PIK3C2B: variants seen among roughly 807,000 people sequenced by gnomAD.
PIK3C2B encodes the protein phosphatidylinositol 4-phosphate 3-kinase C2 domain-containing subunit beta.
In PIK3C2B, 83 loss-of-function variants were observed where a neutral mutation model predicts 184.3. The observed-to-expected ratio is 0.45, with a 90% CI of 0.38 to 0.54. The LOEUF is 0.54. PIK3C2B is among the 20% of genes least tolerant of loss of function. PIK3C2B has a pLI of 0.00. For missense variants in PIK3C2B, 1,736 were observed against 2,113.5 expected, an observed-to-expected ratio of 0.82 and a Z score of 3.50; for synonymous variants, 779 against 837.6, an observed-to-expected ratio of 0.93 and a Z score of 1.21.
chr1:204,433,346 G>A lies in PIK3C2B; in HGVS notation c.3923C>T (p.Thr1308Ile). Reference protein sequence around the residue: ...YVYDALRPQDTEANATTYFTR... With the variant: ...YVYDALRPQDIEANATTYFTR... ...GAAGTAGGTAGTGGCATTGGCCTCT[G>A]TATCCTGAGGCCTCAGGGCATCGTA... is the stretch of plus-strand genomic sequence containing the variant. Residue 1308 changes from threonine (T) to isoleucine (I), a missense_variant, in exon 26 of 33, where the codon ACA (threonine) becomes ATA (isoleucine). Transcript: ENST00000684373. The surrounding 1 kb of genome is among the most constrained non-coding windows in gnomAD (Gnocchi z 5.0). 2.5e-6 allele frequency: 4 copies of A among 1,607,536 alleles called. No individual in the cohort carries two copies. The highest frequency in any genetic ancestry group is 3.4e-6 in the Non-Finnish European group (4 of 1,174,000).
At chr1:204,465,430 C>A (rs545715822) in intron 2 of PIK3C2B, 111 bp from the exon 3 acceptor site, 10 of 691,394 alleles carry the variant, frequency 1.4e-5, no homozygotes, top group Non-Finnish European at 2.4e-5. Context: ...TCTAGTCACT[C>A]GACATCCAAT....
chr1:204,441,094 C>T (rs1001313296), intron 21 of PIK3C2B, among the ~76,000 whole-genome samples: 2 of 152,208 alleles, frequency 1.3e-5, no homozygotes, highest in African/African-American at 2.4e-5. Context: ...CCTTAGGGTT[C>T]ATCTAGTTGG....
In PIK3C2B at chr1:204,486,236, A is replaced by G. The variant is rs142055963; in HGVS notation, c.-85+8120T>C. Among the ~76,000 whole-genome samples the G allele has an allele frequency of 4.2e-3, 633 of 152,010 alleles. 26 individuals carry two copies. Among genetic ancestry groups the G allele is most frequent in the Admixed American group, 0.036 (543 of 15,264 alleles). The stretch of plus-strand genomic sequence containing the variant: ...CATGGTGAAACCCTGTCTCTACTAA[A>G]TATATAAAGTTAGCTGGGCATGGTG... On this transcript the variant is annotated intron_variant, in intron 1 of 32. Coordinates refer to ENST00000684373, the MANE Select transcript of PIK3C2B (RefSeq NM_001377334.1).
At chr1:204,493,142 T>C (rs1658119840) in intron 1 of PIK3C2B, among the ~76,000 whole-genome samples, 1 of 152,096 alleles carries the variant, frequency 6.6e-6, no homozygotes, top group Admixed American at 6.5e-5. Context: ...CCTAATATCT[T>C]CCCAAAGCCT....
intron 1 of PIK3C2B, among the ~76,000 whole-genome samples, chr1:204,472,907 TG>T (rs923752093): frequency 6.6e-6 from 1 of 152,210 alleles, no homozygotes; most frequent in African/African-American, 2.4e-5. Context: ...CTCAGAACTG[TG>T]GATCTATGAA....
chr1:204,489,902 T>C (rs1657896478), intron 1 of PIK3C2B: 2 of 396,492 alleles, frequency 5.0e-6, no homozygotes, highest in South Asian at 2.6e-4. Flanking sequence ...CTCATCCTTA[T>C]AACTTACGGT....
intron 11 of PIK3C2B, among the ~76,000 whole-genome samples, chr1:204,455,202 G>T (rs994633450): frequency 6.6e-6 from 1 of 152,256 alleles, no homozygotes; most frequent in Non-Finnish European, 1.5e-5. Context: ...GGTCCCTGTG[G>T]CTCATGACAG....
intron 18 of PIK3C2B, 23 bp downstream of exon 18, chr1:204,444,045 C>A: frequency 2.6e-6 from 4 of 1,510,144 alleles, no homozygotes; most frequent in South Asian, 1.1e-5. Flanking sequence ...GTCTACCTCC[C>A]ACTTTTCTAC....
At chr1:204,446,332 G>A (rs1358189863) in intron 15 of PIK3C2B, among the ~76,000 whole-genome samples, 188 bp from the exon 16 acceptor site, 2 of 152,208 alleles carry the variant, frequency 1.3e-5, no homozygotes, top group South Asian at 2.1e-4. Flanking sequence ...CCATGCCTGG[G>A]TCACACCTGA....
At chr1:204,464,380 G>T in intron 4 of PIK3C2B, 70 bp downstream of exon 4, 1 of 1,305,074 alleles carries the variant, frequency 7.7e-7, no homozygotes, top group South Asian at 1.4e-5. Flanking sequence ...GGTGGAAATC[G>T]AGTCAAAACA....
chr1:204,491,248 G>T (rs1012231568), intron 1 of PIK3C2B, among the ~76,000 whole-genome samples: 4 of 151,880 alleles, frequency 2.6e-5, no homozygotes, highest in African/African-American at 9.7e-5. Flanking sequence ...AATTAGCCAG[G>T]CATGGTGGCA....
intron 1 of PIK3C2B, among the ~76,000 whole-genome samples, chr1:204,476,073 G>A (rs1267651287): frequency 6.6e-6 from 1 of 152,162 alleles, no homozygotes; most frequent in African/African-American, 2.4e-5. Flanking sequence ...CAGACACGAG[G>A]GAACTCCAGA....
Position 204,460,620 on chromosome 1 carries a change from C to A in PIK3C2B, c.1352G>T (p.Arg451Leu), listed in dbSNP as rs1164204116. 1.2e-6 allele frequency: 2 copies of A among 1,613,868 alleles called. No individual in the cohort carries two copies. Among genetic ancestry groups the A allele is most frequent in the African/African-American group, 2.7e-5 (2 of 74,900 alleles). ...TAGCCGAATGTCAATGTCAAACTTG[C>A]GGCAGTATTGGATGTACTCATGACT... ...LGSHEYIQYC[R>L]KFDIDIRLQL... Residue 451 changes from arginine (R) to leucine (L), a missense_variant, in exon 6 of 33, where the codon CGC becomes CTC. This residue lies in a region of PIK3C2B where 609 missense variants were observed against 699.2 expected (regional missense o/e 0.87). Coordinates refer to ENST00000684373, the MANE Select transcript of PIK3C2B (RefSeq NM_001377334.1).
At chr1:204,456,303 C>T (rs2942143) in intron 10 of PIK3C2B, 263,222 of 365,314 alleles carry the variant, frequency 0.72, 99,934 homozygotes, top group Non-Finnish European at 0.81. Context: ...TGCTACTTAG[C>T]ATTAAAATGT....
At chr1:204,465,078 G>T in intron 3 of PIK3C2B, 141 bp downstream of exon 3, 1 of 657,790 alleles carries the variant, frequency 1.5e-6, no homozygotes. Context: ...GACACTTGTT[G>T]TAGGAAGCAT....
Position 204,485,101 on chromosome 1 carries a change from T to C in PIK3C2B, c.-85+9255A>G, listed in dbSNP as rs1427373555. Among the ~76,000 whole-genome samples, 5 of 149,774 alleles carry C rather than the reference T, an allele frequency of 3.3e-5. No homozygotes were observed. The Admixed American group carries it at 3.4e-4, about 10-fold the overall frequency. ...TCTCACTCTGCCATCCAGGTTGGAGTGAAGTGGTGTGATCACGGATCACTG... is the reference window on the plus strand; with the variant it reads ...TCTCACTCTGCCATCCAGGTTGGAGCGAAGTGGTGTGATCACGGATCACTG... On this transcript the variant is annotated intron_variant, in intron 1 of 32. Transcript: ENST00000684373.
chr1:204,451,946 G>A (rs139611910), intron 12 of PIK3C2B, among the ~76,000 whole-genome samples: 2 of 152,326 alleles, frequency 1.3e-5, no homozygotes, highest in Non-Finnish European at 2.9e-5. Context: ...ATTCTAGGTT[G>A]AAAGACCTGC....
intron 23 of PIK3C2B, among the ~76,000 whole-genome samples, chr1:204,436,219 T>C (rs1675334346): frequency 1.3e-5 from 2 of 152,214 alleles, no homozygotes; most frequent in Admixed American, 6.5e-5. Flanking sequence ...TTCTTTCTTC[T>C]GGAAGTCATC....
chr1:204,442,213 C>A (rs558685271), intron 20 of PIK3C2B, among the ~76,000 whole-genome samples: 1 of 152,316 alleles, frequency 6.6e-6, no homozygotes, highest in African/African-American at 2.4e-5. Flanking sequence ...GAGATGCTCA[C>A]CTGTGCCCAT....
Sources: gnomAD v4.1 joint callset for allele counts (sites outside exome capture counted in the v4.1 genomes callset) on GRCh38, gnomAD v4.1.1 for gene constraint, gnomAD v4.1.1 regional missense constraint, Gnocchi (gnomAD v3.1) non-coding constraint, MANE v1.5 for transcripts, NCBI Gene and HGNC (gene_info 2026-07-23, HGNC 2026-07-21) for gene names.